CCN5: variants seen among roughly 807,000 people sequenced by gnomAD.
The protein encoded by CCN5 is cellular communication network factor 5.
Under a neutral mutation model 18.7 loss-of-function variants are expected in CCN5, and 17 were observed. That is an observed-to-expected ratio of 0.91 (90% CI 0.62 to 1.36). CCN5 has a LOEUF of 1.36. Among genes scored for constraint, CCN5 ranks in the 40% most tolerant of loss-of-function variants. CCN5 has a pLI of 0.00. For synonymous variants in CCN5, 135 were observed against 145.2 expected (o/e 0.93, Z 0.50); for missense variants, 367 against 342.9 (o/e 1.07, Z -0.56).
In CCN5 at chr20:44,719,923, A is replaced by C; in HGVS notation, c.87A>C (p.Pro29=). 6.2e-7 allele frequency: 1 copy of C among 1,613,814 alleles called. No individual in the cohort carries two copies. The change falls in exon 2 of 4, where the codon CCA becomes CCC. Residue 29 remains proline (P), a synonymous_variant. Transcript: ENST00000190983. ...TGCGTACCCAGCTGTGCCCGACACCATGTACCTGCCCCTGGCCACCTCCCC... is the reference window on the plus strand; with the variant it reads ...TGCGTACCCAGCTGTGCCCGACACCCTGTACCTGCCCCTGGCCACCTCCCC... ...SKVRTQLCPT[P]CTCPWPPPRC...
At chr20:44,718,201 G>C (rs974660863) in intron 1 of CCN5, among the ~76,000 whole-genome samples, 1 of 152,188 alleles carries the variant, frequency 6.6e-6, no homozygotes. Flanking sequence ...CCCCACCAGA[G>C]GCTGGTCAGC....
chr20:44,720,729 C>G (rs1279781365), intron 2 of CCN5: 3 of 152,938 alleles, frequency 2.0e-5, no homozygotes, highest in African/African-American at 7.2e-5. Context: ...TGCTGGGATC[C>G]TGGGTTTGCC....
At chr20:44,715,168 G>T, upstream of CCN5, 1 of 564,930 alleles carries the variant, frequency 1.8e-6, no homozygotes, top group Non-Finnish European at 3.2e-6. Context: ...TCAGGTAAAT[G>T]GGCTCATCCT....
At chr20:44,720,404 G>GC (rs111562970) in intron 2 of CCN5, 11 of 477,570 alleles carry the variant, frequency 2.3e-5, no homozygotes, top group East Asian at 1.2e-4. Context: ...CCCCTGAGAA[G>GC]CCCCCCCAGA....
chr20:44,720,077 G>A lies in CCN5; in HGVS notation c.241G>A (p.Gly81Arg), dbSNP rs775768078. Residue 81 changes from glycine to arginine, a missense_variant, in exon 2 of 4, where the codon GGG becomes AGG. Coordinates refer to ENST00000190983, the MANE Select transcript of CCN5 (RefSeq NM_003881.4). ...CAGCCAGGGCCTGGTCTGCCAGCCC[G>A]GGGCAGGACCCGGTGGCCGGGGGGC... The part of the protein sequence containing the change: ...DASQGLVCQP[G>R]AGPGGRGALC... The A allele has an allele frequency of 1.7e-5, 26 of 1,574,940 alleles. No homozygotes were observed. Among genetic ancestry groups the A allele is most frequent in the Middle Eastern group, 1.7e-4 (1 of 6,000 alleles).
At position 44,727,589 on chromosome 20, in the gene CCN5, C is replaced by T; in HGVS notation, c.*282C>T. On this transcript the variant is annotated 3_prime_UTR_variant, in exon 4 of 4. Coordinates refer to ENST00000190983, the MANE Select transcript of CCN5 (RefSeq NM_003881.4). ...CTCTAGCCCACTCCCTGCCTACACA[C>T]ACAGCCTATATCAAACATGCACACG... 8.1e-7 allele frequency: 1 copy of T among 1,227,480 alleles called. No individual in the cohort carries two copies. Among genetic ancestry groups the T allele is most frequent in the Non-Finnish European group, 1.0e-6 (1 of 956,500 alleles). The allele number at this position is 1,227,480 out of a possible 1,614,324, so 76.0% of individuals were successfully genotyped here.
rs1460451170 is a variant in CCN5, at chr20:44,727,161, C to CA, written c.607_608insA (p.Pro203HisfsTer89). ...CCCAGAATGGAGCACGGCCTGGGGA[C>CA]CCTGCTCGACCACCTGTGGGCTGGG... On this transcript the variant is annotated frameshift_variant, in exon 4 of 4. Coordinates refer to ENST00000190983, the MANE Select transcript of CCN5 (RefSeq NM_003881.4). LOFTEE classifies it low-confidence loss of function (END_TRUNC). The CA allele has an allele frequency of 6.2e-6, 10 of 1,613,700 alleles. No homozygotes were observed. In the Admixed American group the frequency reaches 6.7e-5, roughly 11 times the overall value.
At chr20:44,726,115 T>C (rs1405465750) in intron 3 of CCN5, among the ~76,000 whole-genome samples, 1 of 152,176 alleles carries the variant, frequency 6.6e-6, no homozygotes, top group Non-Finnish European at 1.5e-5. Flanking sequence ...ATCCACTTCA[T>C]AGCGTTGTGA....
At position 44,727,385 on chromosome 20, in the gene CCN5, G is replaced by C; in HGVS notation, c.*78G>C. The C allele has an allele frequency of 6.7e-7, 1 of 1,492,660 alleles. No homozygotes were observed. The highest frequency in any genetic ancestry group is 9.0e-7 in the Non-Finnish European group (1 of 1,116,794). The allele number at this position is 1,492,660 out of a possible 1,614,324, so 92.5% of individuals were successfully genotyped here. A position where few individuals can be genotyped will look rare whatever the true frequency, so the allele number is the denominator to read the frequency against. On this transcript the variant is annotated 3_prime_UTR_variant, in exon 4 of 4. Transcript: ENST00000190983. ...GTGCCTGGGCCCTGGGCTGATGGAA[G>C]ATGGTCCGTGCCCAGGCCCTTGGCT...
rs1660739889 is a variant in CCN5 at position 44,727,523 on chromosome 20, C to G, written c.*216C>G. 2 of 1,390,754 alleles carry G rather than the reference C, an allele frequency of 1.4e-6. No homozygotes were observed. Among genetic ancestry groups the G allele is most frequent in the Non-Finnish European group, 1.9e-6 (2 of 1,069,456 alleles). 86.2% of individuals were successfully genotyped at this position (1,390,754 alleles called of 1,614,324 possible). On this transcript the variant is annotated 3_prime_UTR_variant, in exon 4 of 4. Transcript: ENST00000190983. ...GGTGCAAGACCTAGTCCCCTTTCCT[C>G]TAACTCACTGCCTAGGAGGCTGGCC...
At chr20:44,717,816 T>G (rs1377613451) in intron 1 of CCN5, among the ~76,000 whole-genome samples, 1 of 150,728 alleles carries the variant, frequency 6.6e-6, no homozygotes, top group East Asian at 1.9e-4. Flanking sequence ...GAGGCGAAGG[T>G]TGCAGTGAGT....
At chr20:44,720,920 C>T (rs1476305522) in intron 2 of CCN5, 1 of 152,126 alleles carries the variant, frequency 6.6e-6, no homozygotes, top group Non-Finnish European at 1.5e-5. Flanking sequence ...CCCCGAACTC[C>T]ACCCACTGTA....
intron 3 of CCN5, 81 bp from the exon 4 acceptor site, chr20:44,727,006 T>A: frequency 7.3e-7 from 1 of 1,369,210 alleles, no homozygotes. Context: ...TGACCAAGAT[T>A]GCCGTGGCCG....
chr20:44,720,132 C>T lies in CCN5; in HGVS notation c.277+19C>T, dbSNP rs772872627. The T allele has an allele frequency of 1.3e-6, 2 of 1,539,108 alleles. No homozygotes were observed. The highest frequency in any genetic ancestry group is 1.7e-6 in the Non-Finnish European group (2 of 1,148,288). On this transcript the variant is annotated intron_variant, in intron 2 of 3. Coordinates refer to ENST00000190983, the MANE Select transcript of CCN5 (RefSeq NM_003881.4). The stretch of plus-strand genomic sequence containing the variant: ...TGCCTCTGTAAGCAGGTTTGCAGGA[C>T]TGAGTGGGGGCGGGTGTGAGCGGGA...
At chr20:44,724,531 G>C in intron 2 of CCN5, 2 of 712,270 alleles carry the variant, frequency 2.8e-6, no homozygotes, top group Non-Finnish European at 4.5e-6. Context: ...ATCCAGGCCT[G>C]TCTTCTTGCA....
intron 2 of CCN5, 159 bp from the exon 3 acceptor site, chr20:44,724,579 G>A (rs1350542582): frequency 1.7e-6 from 2 of 1,149,392 alleles, no homozygotes; most frequent in East Asian, 5.5e-5. Context: ...CAGCAGGCTG[G>A]TGGAGGGCTG....
At chr20:44,715,602 C>T (rs1326368134) in intron 1 of CCN5, 152 bp downstream of exon 1, 8 of 835,138 alleles carry the variant, frequency 9.6e-6, no homozygotes, top group Non-Finnish European at 1.1e-5. Context: ...CAGGGCTTCT[C>T]TCCCTGGAAC....
At chr20:44,715,197 A>C, upstream of CCN5, 1 of 598,156 alleles carries the variant, frequency 1.7e-6, no homozygotes, top group South Asian at 1.9e-5. Flanking sequence ...TGAGGATGGG[A>C]AGCGAAGCAA....
intron 1 of CCN5, 139 bp from the exon 2 acceptor site, chr20:44,719,758 C>G: frequency 1.2e-6 from 1 of 819,550 alleles, no homozygotes; most frequent in Non-Finnish European, 1.9e-6. Context: ...GACTACTGGC[C>G]TTTGAGGCCA....
Sources: gnomAD v4.1 joint callset for allele counts (sites outside exome capture counted in the v4.1 genomes callset) on GRCh38, gnomAD v4.1.1 for gene constraint, MANE v1.5 for transcripts, NCBI Gene and HGNC (gene_info 2026-07-23, HGNC 2026-07-21) for gene names.